Variants in SLC2A6 observed in about 807,000 individuals in gnomAD.
SLC2A6 encodes solute carrier family 2 member 6.
A neutral mutation model predicts 47.8 loss-of-function variants in SLC2A6; 39 were observed. The ratio of observed to expected loss-of-function variants is 0.82; its 90% CI spans 0.63 to 1.07. The LOEUF (loss-of-function observed/expected upper bound fraction) is 1.07. Ranked by LOEUF, SLC2A6 falls within the 50% of genes least tolerant of loss-of-function variation. SLC2A6 has a pLI of 0.00. For missense variants in SLC2A6, 650 were observed against 707.6 expected (o/e 0.92, Z 0.92); for synonymous variants, 346 against 324.1 (o/e 1.07, Z -0.73).
At chr9:133,472,580 C>A (rs1843766383) in intron 9 of SLC2A6, among the ~76,000 whole-genome samples, 2 of 152,194 alleles carry the variant, frequency 1.3e-5, no homozygotes, top group Non-Finnish European at 2.9e-5. Flanking sequence ...TGCCCTCCCC[C>A]AACCCCCCTG....
At chr9:133,475,345 A>G in intron 5 of SLC2A6, 55 bp downstream of exon 5, 1 of 1,507,196 alleles carries the variant, frequency 6.6e-7, no homozygotes, top group Non-Finnish European at 8.9e-7. Flanking sequence ...ACGGCCACAC[A>G]CAGCTGAAGT....
In SLC2A6 at chr9:133,475,122, C is replaced by T; in HGVS notation, c.775-9G>A. On this transcript the variant is annotated splice_polypyrimidine_tract_variant and intron_variant, in intron 5 of 9. Coordinates refer to ENST00000371899, the MANE Select transcript of SLC2A6 (RefSeq NM_017585.4). ...CACGATACTCGGCTGCTCTGAAACA[C>T]AAGGCCGCCGCTGAGGGCGTTGGGC... The T allele has an allele frequency of 6.5e-7, 1 of 1,535,320 alleles. No homozygotes were observed. Among genetic ancestry groups the T allele is most frequent in the Non-Finnish European group, 8.8e-7 (1 of 1,142,202 alleles).
In SLC2A6 at chr9:133,474,051, C is replaced by T. The variant is rs782634173; in HGVS notation, c.965G>A (p.Arg322Gln). 3.1e-6 allele frequency: 5 copies of T among 1,610,100 alleles called. No homozygotes were observed. Among genetic ancestry groups the T allele is most frequent in the African/African-American group, 1.3e-5 (1 of 75,020 alleles). ...KDDAAIVGAV[R>Q]LLSVLIAALT... ...GGCGGCGATCAGCACGGACAGGAGC[C>T]GCACGGCCCCAACGATGGCTGCGTC... is the stretch of plus-strand genomic sequence containing the variant. The change falls in exon 7 of 10, where the codon CGG becomes CAG. Residue 322 changes from arginine (R) to glutamine (Q), a missense_variant. Arg to Gln is a conservative substitution (Grantham distance 43, BLOSUM62 1). Coordinates refer to ENST00000371899, the MANE Select transcript of SLC2A6 (RefSeq NM_017585.4).
intron 6 of SLC2A6, 70 bp from the exon 7 acceptor site, chr9:133,474,158 G>A: frequency 7.6e-7 from 1 of 1,309,064 alleles, no homozygotes; most frequent in Non-Finnish European, 1.1e-6. Context: ...GACCCAGCTT[G>A]TCCCGGCAGG....
At chr9:133,475,270 C>G (rs927639309) in intron 5 of SLC2A6, 130 bp downstream of exon 5, 5 of 1,360,448 alleles carry the variant, frequency 3.7e-6, no homozygotes, top group East Asian at 5.1e-5. Flanking sequence ...AACAGCCCCC[C>G]ACCCCAACCC....
In SLC2A6 at chr9:133,476,240, G is replaced by A; in HGVS notation, c.559C>T (p.Leu187Phe). The change falls in exon 4 of 10, where the codon CTT becomes TTT. Residue 187 changes from leucine (L) to phenylalanine (F), a missense_variant. Coordinates refer to ENST00000371899, the MANE Select transcript of SLC2A6 (RefSeq NM_017585.4). ...AGGAGTGCGGGGCCATACTTGCCAA[G>A]GGCGTAGAGGGACAGGGATCCGAAC... ...AVFGSLSLYA[L>F]GLLLPWRWLA... 6.2e-7 allele frequency: 1 copy of A among 1,611,492 alleles called. No homozygotes were observed. Among genetic ancestry groups the A allele is most frequent in the Non-Finnish European group, 8.5e-7 (1 of 1,178,720 alleles).
Position 133,473,360 on chromosome 9 carries a change from AC to A in SLC2A6, c.1222+54del, listed in dbSNP as rs1843806501. 11 of 1,542,400 alleles carry A rather than the reference AC, an allele frequency of 7.1e-6. No individual in the cohort carries two copies. The South Asian group carries it at 9.5e-5, about 13-fold the overall frequency. ...CCTCTCCAGCCACCCCAGACACATC[AC>A]CCATCCCTTAACACCCAAGACAGCC... On this transcript the variant is annotated intron_variant, in intron 8 of 9. Transcript: ENST00000371899.
chr9:133,477,690 C>T (rs1844012417), intron 2 of SLC2A6, among the ~76,000 whole-genome samples: 1 of 152,202 alleles, frequency 6.6e-6, no homozygotes, highest in South Asian at 2.1e-4. Context: ...GGGGAGAGCG[C>T]AAGTTCTACC....
At chr9:133,478,554 A>G in intron 1 of SLC2A6, 138 bp from the exon 2 acceptor site, 2 of 917,550 alleles carry the variant, frequency 2.2e-6, no homozygotes, top group Non-Finnish European at 1.7e-6. Context: ...TCACGTTCCC[A>G]GGGCCTGAGC....
chr9:133,473,785 G>T, intron 7 of SLC2A6, 185 bp from the exon 8 acceptor site: 1 of 756,408 alleles, frequency 1.3e-6, no homozygotes, highest in Non-Finnish European at 2.1e-6. Flanking sequence ...GAGTGTCACA[G>T]CCAGTGTGTC....
At chr9:133,473,303 G>T (rs1018246377) in intron 8 of SLC2A6, 53 bp from the exon 9 acceptor site, 2 of 1,546,860 alleles carry the variant, frequency 1.3e-6, no homozygotes, top group African/African-American at 2.7e-5. Context: ...GGAGGCGGCT[G>T]TGTCTGTCTC....
chr9:133,474,324 G>A (rs1315432985), intron 6 of SLC2A6, among the ~76,000 whole-genome samples: 7 of 152,366 alleles, frequency 4.6e-5, no homozygotes, highest in Admixed American at 3.3e-4. Flanking sequence ...GAATCCAGGC[G>A]TGATGATGAC....
chr9:133,473,376 C>T, intron 8 of SLC2A6, 39 bp downstream of exon 8: 1 of 1,550,628 alleles, frequency 6.4e-7, no homozygotes, highest in South Asian at 1.2e-5. Flanking sequence ...CCCTTAACAC[C>T]CAAGACAGCC....
At chr9:133,473,775 G>A in intron 7 of SLC2A6, 175 bp from the exon 8 acceptor site, 1 of 766,838 alleles carries the variant, frequency 1.3e-6, no homozygotes, top group Admixed American at 3.2e-5. Context: ...TCCCACCGTG[G>A]AGTGTCACAG....
Position 133,478,272 on chromosome 9 carries a change from G to A in SLC2A6, c.237C>T (p.Ser79=). 1 of 1,614,020 alleles carries A rather than the reference G, an allele frequency of 6.2e-7. No individual in the cohort carries two copies. The highest frequency in any genetic ancestry group is 8.5e-7 in the Non-Finnish European group (1 of 1,180,004). ...SLDPDLHLTK[S]QASWFGSVFT... is the part of the protein sequence containing the mutation. ...TCCTTACCCCAAACCAGGATGCCTG[G>A]GATTTGGTCAGATGCAGGTCAGGAT... The change falls in exon 2 of 10, where the codon TCC becomes TCT. Residue 79 remains serine (S), a synonymous_variant. Transcript: ENST00000371899.
chr9:133,473,887 A>T (rs782290799), intron 7 of SLC2A6, 93 bp downstream of exon 7: 3 of 1,043,912 alleles, frequency 2.9e-6, no homozygotes, highest in Non-Finnish European at 4.1e-6. Flanking sequence ...GTTCCCAGCC[A>T]CACAGCCCCA....
At chr9:133,477,330 C>T (rs1021201425) in intron 2 of SLC2A6, 89 bp from the exon 3 acceptor site, 8 of 1,312,140 alleles carry the variant, frequency 6.1e-6, no homozygotes, top group East Asian at 2.6e-5. Context: ...TTCCCTAGGC[C>T]GACCCCAGGA....
Position 133,477,703 on chromosome 9 carries a change from GTGGCGT to G in SLC2A6, c.256-468_256-463del, listed in dbSNP as rs139600922. Among the ~76,000 whole-genome samples the G allele has an allele frequency of 4.6e-3, 695 of 152,354 alleles. 5 individuals are homozygous for G. Among genetic ancestry groups the G allele is most frequent in the African/African-American group, 0.016 (656 of 41,588 alleles). The stretch of plus-strand genomic sequence containing the variant: ...ATGGGGAGAGCGCAAGTTCTACCTC[GTGGCGT>G]TGGCCCTGAGAATCAATGAACGTTC... On this transcript the variant is annotated intron_variant, in intron 2 of 9. Coordinates refer to ENST00000371899, the MANE Select transcript of SLC2A6 (RefSeq NM_017585.4).
intron 2 of SLC2A6, 61 bp downstream of exon 2, chr9:133,478,193 A>C: frequency 6.3e-7 from 1 of 1,575,936 alleles, no homozygotes; most frequent in Non-Finnish European, 8.7e-7. Context: ...TCCTAGCTGG[A>C]GATAAGGCTC....
Sources: allele counts gnomAD v4.1 joint callset (sites outside exome capture counted in the v4.1 genomes callset), GRCh38; gene constraint gnomAD v4.1.1; transcripts MANE v1.5; gene names NCBI Gene and HGNC (gene_info 2026-07-23, HGNC 2026-07-21).